Variants in DNAH6 observed in about 807,000 individuals in gnomAD.
DNAH6 encodes the protein dynein axonemal heavy chain 6, also known as axonemal beta dynein heavy chain 6.
In DNAH6, 340 loss-of-function variants were observed where a neutral mutation model predicts 491.4. The observed-to-expected ratio is 0.69, with a 90% CI of 0.63 to 0.76. The LOEUF is 0.76. Among genes scored for constraint, DNAH6 ranks in the 30% least tolerant of loss-of-function variants. The probability of loss-of-function intolerance (pLI) is 0.00; values close to 1 mark genes in which losing one functional copy is unlikely to be tolerated. For synonymous variants in DNAH6, 1,603 were observed against 1,686.1 expected (o/e 0.95, Z 1.21); for missense variants, 4,443 against 4,972.2 (o/e 0.89, Z 3.20).
chr2:84,593,487 C>T (rs1260494548), intron 16 of DNAH6, among the ~76,000 whole-genome samples: 1 of 152,122 alleles, frequency 6.6e-6, no homozygotes, highest in Non-Finnish European at 1.5e-5. Flanking sequence ...CATATAAAGT[C>T]GTGGTTAGAA....
In DNAH6 at chr2:84,557,877, G is replaced by GTAA. The variant is rs1337022288; in HGVS notation, c.1746_1747insAAT (p.Ser582_Leu583insAsn). On this transcript the variant is annotated inframe_insertion, in exon 11 of 77. Coordinates refer to ENST00000389394, the MANE Select transcript of DNAH6 (RefSeq NM_001370.2). ...GGAAAAACCTGTGGAACTGGGCCAA[G>GTAA]TTTAGCAGCAGTATTTGAGGATGAT... The GTAA allele has an allele frequency of 2.5e-6, 4 of 1,612,400 alleles. No homozygotes were observed. Among genetic ancestry groups the GTAA allele is most frequent in the Non-Finnish European group, 2.5e-6 (3 of 1,179,150 alleles).
intron 16 of DNAH6, among the ~76,000 whole-genome samples, chr2:84,589,552 A>T (rs1181964767): frequency 6.6e-6 from 1 of 151,992 alleles, no homozygotes; most frequent in Non-Finnish European, 1.5e-5. Context: ...TCTCCACTAA[A>T]AATACAAAAA....
chr2:84,818,979 A>G (rs1278058362), intron 76 of DNAH6, among the ~76,000 whole-genome samples: 3 of 152,206 alleles, frequency 2.0e-5, no homozygotes, highest in Non-Finnish European at 4.4e-5. Flanking sequence ...AGGCTGAGGT[A>G]GGAGAATCAC....
At chr2:84,544,927 T>G (rs1463625358) in intron 5 of DNAH6, among the ~76,000 whole-genome samples, 1 of 152,178 alleles carries the variant, frequency 6.6e-6, no homozygotes, top group East Asian at 1.9e-4. Context: ...TAATATATCA[T>G]ATATTTCCTT....
chr2:84,548,792 G>A (rs1473644574), intron 8 of DNAH6, among the ~76,000 whole-genome samples: 1 of 152,200 alleles, frequency 6.6e-6, no homozygotes, highest in Non-Finnish European at 1.5e-5. Context: ...CAGAGCATGA[G>A]GCCAAGGCCA....
At chr2:84,777,899 A>G (rs1676302587) in intron 64 of DNAH6, 1 of 1,219,374 alleles carries the variant, frequency 8.2e-7, no homozygotes, top group Admixed American at 1.7e-5. Context: ...GATGAATTTA[A>G]AGATGTTCAC....
intron 56 of DNAH6, among the ~76,000 whole-genome samples, 196 bp from the exon 57 acceptor site, chr2:84,712,899 T>G (rs1050931692): frequency 1.3e-5 from 2 of 152,240 alleles, no homozygotes; most frequent in Non-Finnish European, 2.9e-5. Flanking sequence ...TCTTATTTCC[T>G]TAGACTGCTA....
chr2:84,578,199 A>G (rs751858593), intron 13 of DNAH6, among the ~76,000 whole-genome samples: 5 of 152,178 alleles, frequency 3.3e-5, no homozygotes, highest in South Asian at 4.1e-4. Flanking sequence ...CCTGAGTGCT[A>G]GTATTTTCTG....
chr2:84,797,625 T>G lies in DNAH6; in HGVS notation c.11448T>G (p.Phe3816Leu). 7.7e-6 allele frequency: 12 copies of G among 1,551,532 alleles called. No individual in the cohort carries two copies. Among genetic ancestry groups the G allele is most frequent in the Admixed American group, 2.0e-5 (1 of 51,012 alleles). ...CTTTGATCGATGACCCAGAAATTTT[T>G]GGAATGCATGAAAATGCTAATCTAG... ...NLPLIDDPEI[F>L]GMHENANLVF... The change falls in exon 70 of 77, where the codon TTT (phenylalanine) becomes TTG (leucine). Residue 3816 changes from phenylalanine (F) to leucine (L), a missense_variant. By Grantham distance (22) the Phe-to-Leu change is conservative. Around this residue, in one of 3 missense-constraint regions of DNAH6, gnomAD observed 1,463 missense variants for 1,656.6 expected, o/e 0.88. Transcript: ENST00000389394.
Position 84,621,226 on chromosome 2 carries a change from T to C in DNAH6, c.3828T>C (p.Asn1276=). 6 of 1,551,612 alleles carry C rather than the reference T, an allele frequency of 3.9e-6. No individual in the cohort carries two copies. The highest frequency in any genetic ancestry group is 1.2e-5 in the South Asian group (1 of 84,058). ...GGAAAGGCCTCAAGGCCCGAGGCAA[T>C]GTAGAGGAATGGCTTGGTAAAGTGG... ...SLGKGLKARG[N]VEEWLGKVEE... is the part of the protein sequence containing the mutation. The change falls in exon 25 of 77, where the codon AAT becomes AAC. Residue 1276 remains asparagine (N), a synonymous_variant. Coordinates refer to ENST00000389394, the MANE Select transcript of DNAH6 (RefSeq NM_001370.2).
At chr2:84,469,290 T>C in the DNAH6 span, among the ~76,000 whole-genome samples, 122,982 of 152,036 alleles carry the variant, frequency 0.81, 52,584 homozygotes, top group Non-Finnish European at 0.93. The surrounding 1 kb of genome is among the most constrained non-coding windows in gnomAD (Gnocchi z 4.0). Flanking sequence ...GTGATCCAGC[T>C]TGTTGCACCA....
intron 20 of DNAH6, 146 bp downstream of exon 20, chr2:84,605,738 A>G (rs1685695592): frequency 3.4e-6 from 2 of 589,540 alleles, no homozygotes; most frequent in Admixed American, 6.3e-5. Flanking sequence ...ATGAATGCAA[A>G]TAATTGACGT....
At chr2:84,751,865 A>G (rs1419775537) in intron 63 of DNAH6, among the ~76,000 whole-genome samples, 1 of 152,234 alleles carries the variant, frequency 6.6e-6, no homozygotes, top group Non-Finnish European at 1.5e-5. Flanking sequence ...CTGCATTTCT[A>G]ACAAGTTACC....
rs1280291416 is a variant in DNAH6 at position 84,771,598 on chromosome 2, A to G, written c.10703+8653A>G. Among the ~76,000 whole-genome samples, 4 of 152,356 alleles carry G rather than the reference A, an allele frequency of 2.6e-5. No individual in the cohort carries two copies. The East Asian group carries it at 5.8e-4, about 22-fold the overall frequency. Reference sequence around the variant, plus strand: ...GCAAGAGAGAAGTGAATTTTAACAGATAAGAGATTCTCAGTAAAATTAATG... The same window carrying G: ...GCAAGAGAGAAGTGAATTTTAACAGGTAAGAGATTCTCAGTAAAATTAATG... On this transcript the variant is annotated intron_variant, in intron 64 of 76. Transcript: ENST00000389394.
chr2:84,507,041 C>A, the DNAH6 span, among the ~76,000 whole-genome samples: 2 of 152,260 alleles, frequency 1.3e-5, no homozygotes, highest in South Asian at 4.1e-4. Flanking sequence ...GTTGACTTGG[C>A]ACTGCAGGCT....
At chr2:84,624,796 T>C (rs1687706761) in intron 28 of DNAH6, 106 bp from the exon 29 acceptor site, 2 of 1,299,898 alleles carry the variant, frequency 1.5e-6, no homozygotes, top group Middle Eastern at 4.7e-4. Flanking sequence ...TTTCAATTGC[T>C]ATATTTTTCA....
chr2:84,549,883 T>A lies in DNAH6; in HGVS notation c.1317-6T>A. 1 of 1,579,346 alleles carries A rather than the reference T, an allele frequency of 6.3e-7. No homozygotes were observed. The highest frequency in any genetic ancestry group is 8.6e-7 in the Non-Finnish European group (1 of 1,161,918). On this transcript the variant is annotated splice_region_variant and splice_polypyrimidine_tract_variant and intron_variant, in intron 8 of 76. Transcript: ENST00000389394. ...CGAAATTGTATTAGTTTTTTTTCTTTTCAAGCTTTATTCGTCTAAACGACT... is the reference window on the plus strand; with the variant it reads ...CGAAATTGTATTAGTTTTTTTTCTTATCAAGCTTTATTCGTCTAAACGACT...
rs558589252 is a variant in DNAH6, at chr2:84,699,131, C to A, written c.7678-463C>A. 3.3e-5 allele frequency among the ~76,000 whole-genome samples: 5 copies of A among 151,994 alleles called. No individual in the cohort carries two copies. In the South Asian group the frequency reaches 6.2e-4, roughly 19 times the overall value. ...AGTCATACTCCAAACCCCAGCATCACGCAATATATCTTTGTAACAAACCTA... is the reference window on the plus strand; with the variant it reads ...AGTCATACTCCAAACCCCAGCATCAAGCAATATATCTTTGTAACAAACCTA... On this transcript the variant is annotated intron_variant, in intron 47 of 76. Transcript: ENST00000389394.
At chr2:84,535,966 C>A (rs928330507) in intron 4 of DNAH6, among the ~76,000 whole-genome samples, 2 of 151,832 alleles carry the variant, frequency 1.3e-5, no homozygotes, top group Non-Finnish European at 2.9e-5. Flanking sequence ...TTTGTTACAA[C>A]CAAGGTTTAC....
Sources: allele counts gnomAD v4.1 joint callset (sites outside exome capture counted in the v4.1 genomes callset), GRCh38; gene constraint gnomAD v4.1.1; regional missense constraint gnomAD v4.1.1; non-coding constraint Gnocchi (gnomAD v3.1); transcripts MANE v1.5; gene names NCBI Gene and HGNC (gene_info 2026-07-23, HGNC 2026-07-21).